WLS: variants seen among roughly 807,000 people sequenced by gnomAD.
The protein encoded by WLS is Wnt ligand secretion mediator.
A neutral mutation model predicts 62.8 loss-of-function variants in WLS; 23 were observed. The observed-to-expected ratio is 0.37, with a 90% confidence interval of 0.26 to 0.52. WLS has a LOEUF of 0.52. WLS is among the 20% of genes least tolerant of loss of function. The pLI, the probability that WLS is intolerant of heterozygous loss-of-function variation, is 0.92. For synonymous variants in WLS, 246 were observed against 244.1 expected, an observed-to-expected ratio of 1.01 and a Z score of -0.07; for missense variants, 615 against 697.3, an observed-to-expected ratio of 0.88 and a Z score of 1.33.
chr1:68,169,693 T>C (rs534504198), intron 2 of WLS, among the ~76,000 whole-genome samples: 1 of 152,212 alleles, frequency 6.6e-6, no homozygotes, highest in Non-Finnish European at 1.5e-5. Flanking sequence ...CCTCCATGAC[T>C]AAAACACCTG....
intron 1 of WLS, among the ~76,000 whole-genome samples, chr1:68,196,658 G>T (rs1648676033): frequency 2.0e-5 from 3 of 152,098 alleles, no homozygotes; most frequent in Admixed American, 6.5e-5. Context: ...TTAGGACAAT[G>T]CCTATTAATA....
chr1:68,193,131 A>T (rs1648431269), intron 2 of WLS, among the ~76,000 whole-genome samples: 1 of 151,692 alleles, frequency 6.6e-6, no homozygotes, highest in South Asian at 2.1e-4. Flanking sequence ...AAAAGAAAAG[A>T]AAAGAAAAAG....
At chr1:68,209,773 C>T (rs551231029) in intron 1 of WLS, among the ~76,000 whole-genome samples, 28 of 151,398 alleles carry the variant, frequency 1.8e-4, no homozygotes, top group African/African-American at 6.8e-4. Context: ...AAAAATGAAA[C>T]TCCGTTTCAA....
At chr1:68,175,012 C>A (rs555761990) in intron 2 of WLS, among the ~76,000 whole-genome samples, 32 of 152,308 alleles carry the variant, frequency 2.1e-4, no homozygotes, top group Non-Finnish European at 3.4e-4. Flanking sequence ...CATCCATGAG[C>A]TTTATGTCCT....
At chr1:68,144,177 AG>A (rs1353963080) in intron 10 of WLS, among the ~76,000 whole-genome samples, 1 of 152,264 alleles carries the variant, frequency 6.6e-6, no homozygotes, top group African/African-American at 2.4e-5. Context: ...TTCATATTTA[AG>A]TGGCAATATA....
intron 11 of WLS, among the ~76,000 whole-genome samples, chr1:68,136,461 C>T (rs1646611769): frequency 6.6e-6 from 1 of 152,130 alleles, no homozygotes; most frequent in African/African-American, 2.4e-5. Context: ...GATACACTGC[C>T]TAAAGAAAGG....
rs757254364 is a variant in WLS, at chr1:68,194,037, G to C, written c.297C>G (p.Pro99=). 3.1e-6 allele frequency: 5 copies of C among 1,614,166 alleles called. No individual in the cohort carries two copies. The South Asian group carries it at 3.3e-5, about 11-fold the overall frequency. The change falls in exon 2 of 12, where the codon CCC becomes CCG. Residue 99 remains proline (P), a synonymous_variant. Coordinates refer to ENST00000262348, the MANE Select transcript of WLS (RefSeq NM_024911.7). ...GGAACCAAGGACTCATCTCCATGTG[G>C]GGGAGGGGAATGTGAACAGAAAACA... The part of the protein sequence containing the change: ...DIVFSVHIPL[P]HMEMSPWFQF...
At chr1:68,146,104 G>T in intron 8 of WLS, 92 bp from the exon 9 acceptor site, 2 of 1,429,420 alleles carry the variant, frequency 1.4e-6, no homozygotes, top group Non-Finnish European at 1.9e-6. Flanking sequence ...GGCAATACTT[G>T]TTTTGTCTCC....
chr1:68,142,869 TAGAAA>T (rs533681060), intron 10 of WLS: 51 of 152,216 alleles, frequency 3.4e-4, no homozygotes, highest in African/African-American at 1.2e-3. Context: ...TAAACTAGAA[TAGAAA>T]AAATTATATA....
At chr1:68,124,480 G>T (rs1646400409), downstream of WLS, among the ~76,000 whole-genome samples, 1 of 152,106 alleles carries the variant, frequency 6.6e-6, no homozygotes, top group Non-Finnish European at 1.5e-5. Flanking sequence ...CGTTGGCTCT[G>T]GTAAAATCTT....
intron 11 of WLS, among the ~76,000 whole-genome samples, chr1:68,114,210 G>T (rs1646262179): frequency 6.6e-6 from 1 of 152,220 alleles, no homozygotes; most frequent in African/African-American, 2.4e-5. Flanking sequence ...CAAGGTCTCA[G>T]CTTGGGATAG....
In WLS at chr1:68,137,799, A is replaced by G. The variant is rs1557468595; in HGVS notation, c.1497T>C (p.Tyr499=). ...MFLYAPSHKN[Y]GEDQSNGDLG... ...ACTCACCATTGGACTGGTCTTCTCC[A>G]TAGTTTTTATGGGATGGTGCATACA... The change falls in exon 11 of 12, where the codon TAT becomes TAC. Residue 499 remains tyrosine (Y), a synonymous_variant. Transcript: ENST00000262348. 1 of 1,613,884 alleles carries G rather than the reference A, an allele frequency of 6.2e-7. No individual in the cohort carries two copies. Among genetic ancestry groups the G allele is most frequent in the Admixed American group, 1.7e-5 (1 of 59,998 alleles).
In WLS at chr1:68,145,890, T is replaced by C. The variant is rs1204754339; in HGVS notation, c.1257A>G (p.Lys419=). Residue 419 remains lysine (K), a synonymous_variant, in exon 9 of 12, where the codon AAA becomes AAG. Transcript: ENST00000262348. ...GKQSSLPAMS[K]VRRLHYEGLI... is the part of the protein sequence containing the mutation. ...CCACCTCATAGTGTAGCCGCCGGAC[T>C]TTGCTCATAGCTGGCAGGCTGGACT... 1.2e-6 allele frequency: 2 copies of C among 1,614,164 alleles called. No individual in the cohort carries two copies. Among genetic ancestry groups the C allele is most frequent in the Non-Finnish European group, 1.7e-6 (2 of 1,180,028 alleles).
At chr1:68,194,280 T>C in intron 1 of WLS, 53 bp from the exon 2 acceptor site, 2 of 1,586,552 alleles carry the variant, frequency 1.3e-6, no homozygotes, top group Middle Eastern at 1.7e-4. Context: ...GAAACTACTG[T>C]TTCTGGTTAA....
At chr1:68,177,207 A>C (rs1647295070) in intron 2 of WLS, among the ~76,000 whole-genome samples, 1 of 152,184 alleles carries the variant, frequency 6.6e-6, no homozygotes. Flanking sequence ...ATCAGCATGC[A>C]TTTTGGTACT....
chr1:68,154,345 G>T (rs925699218), intron 4 of WLS, among the ~76,000 whole-genome samples: 1 of 152,130 alleles, frequency 6.6e-6, no homozygotes, highest in Non-Finnish European at 1.5e-5. Flanking sequence ...TCATTAGAAA[G>T]TTGCAGATAT....
intron 2 of WLS, among the ~76,000 whole-genome samples, chr1:68,169,457 C>CGTTCACCCT (rs1439948223): frequency 1.3e-5 from 2 of 152,186 alleles, no homozygotes; most frequent in African/African-American, 2.4e-5. Flanking sequence ...TAACTCAACA[C>CGTTCACCCT]GTTCACCCTG....
intron 2 of WLS, among the ~76,000 whole-genome samples, chr1:68,165,421 C>A (rs1474820184): frequency 2.0e-5 from 3 of 152,174 alleles, no homozygotes; most frequent in Non-Finnish European, 4.4e-5. Flanking sequence ...AGACCACGCT[C>A]CGAGATGTCA....
At chr1:68,171,419 T>A (rs1647150766) in intron 2 of WLS, among the ~76,000 whole-genome samples, 1 of 152,148 alleles carries the variant, frequency 6.6e-6, no homozygotes, top group Non-Finnish European at 1.5e-5. Context: ...TCTATCCATC[T>A]GGCAAAGGGC....
Sources: gnomAD v4.1 joint callset for allele counts (sites outside exome capture counted in the v4.1 genomes callset) on GRCh38, gnomAD v4.1.1 for gene constraint, MANE v1.5 for transcripts, NCBI Gene and HGNC (gene_info 2026-07-23, HGNC 2026-07-21) for gene names.